CENPU: variants seen among roughly 807,000 people sequenced by gnomAD.
The protein encoded by CENPU is KSHV latent nuclear antigen interacting protein 1.
A neutral mutation model predicts 56.7 loss-of-function variants in CENPU; 46 were observed. That is an observed-to-expected ratio of 0.81 (90% CI 0.64 to 1.04). CENPU has a LOEUF of 1.04. Among genes scored for constraint, CENPU ranks in the 50% least tolerant of loss-of-function variants. The pLI is 0.00. For missense variants in CENPU, 510 were observed against 490.1 expected (o/e 1.04, Z -0.38); for synonymous variants, 166 against 163.0 (o/e 1.02, Z -0.14).
Position 184,725,344 on chromosome 4 carries a change from C to T in CENPU, c.215-282G>A, listed in dbSNP as rs1247600346. Among the ~76,000 whole-genome samples, 7 of 152,280 alleles carry T rather than the reference C, an allele frequency of 4.6e-5. No homozygotes were observed. In the South Asian group the frequency reaches 1.0e-3, roughly 23 times the overall value. Reference sequence around the variant, plus strand: ...TTTCTGAAACAGGGCCTCACTCTGCCGCCCAGCCTGGAGTGCAGTAGTGCG... The same window carrying T: ...TTTCTGAAACAGGGCCTCACTCTGCTGCCCAGCCTGGAGTGCAGTAGTGCG... On this transcript the variant is annotated intron_variant, in intron 3 of 12. Coordinates refer to ENST00000281453, the MANE Select transcript of CENPU (RefSeq NM_024629.4).
intron 8 of CENPU, 49 bp from the exon 9 acceptor site, chr4:184,702,490 G>T: frequency 7.1e-7 from 1 of 1,404,406 alleles, no homozygotes; most frequent in Non-Finnish European, 9.9e-7. Flanking sequence ...GATTTTGAAA[G>T]GTGTTTCATT....
chr4:184,697,600 C>A, intron 12 of CENPU, 47 bp downstream of exon 12: 1 of 1,581,934 alleles, frequency 6.3e-7, no homozygotes. Flanking sequence ...AAAATGCCCT[C>A]CCACAATCAT....
At chr4:184,713,619 T>C (rs1376499959) in intron 6 of CENPU, among the ~76,000 whole-genome samples, 2 of 152,198 alleles carry the variant, frequency 1.3e-5, no homozygotes, top group African/African-American at 4.8e-5. Flanking sequence ...CTGTTCCAGC[T>C]ATGGTGAAGT....
At chr4:184,711,590 A>C (rs779647072) in intron 7 of CENPU, among the ~76,000 whole-genome samples, 1 of 152,130 alleles carries the variant, frequency 6.6e-6, no homozygotes, top group Non-Finnish European at 1.5e-5. Context: ...ACTATTTTAA[A>C]TTTATTCACA....
At chr4:184,722,715 C>CA (rs1554012277) in intron 4 of CENPU, among the ~76,000 whole-genome samples, 47 of 119,098 alleles carry the variant, frequency 3.9e-4, no homozygotes, top group Admixed American at 5.6e-4. Context: ...CAAAACAAAA[C>CA]AAAAAAAAAC....
intron 1 of CENPU, among the ~76,000 whole-genome samples, chr4:184,731,883 C>CTGTGTGTG (rs59083873): frequency 0.012 from 1,808 of 146,708 alleles, 27 homozygotes; most frequent in African/African-American, 0.036. Context: ...CTCATGTGCT[C>CTGTGTGTG]TGTGTGTGTG....
intron 1 of CENPU, among the ~76,000 whole-genome samples, chr4:184,732,376 G>A (rs1365570098): frequency 6.6e-6 from 1 of 152,134 alleles, no homozygotes; most frequent in Non-Finnish European, 1.5e-5. Context: ...CAGTCCCTCT[G>A]GGGTGAGGTC....
intron 1 of CENPU, among the ~76,000 whole-genome samples, chr4:184,733,590 T>G (rs1465544389): frequency 6.6e-6 from 1 of 152,230 alleles, no homozygotes; most frequent in Non-Finnish European, 1.5e-5. Flanking sequence ...TTACGGTCTG[T>G]GGTTTGCAGT....
At chr4:184,702,265 T>C in intron 9 of CENPU, 98 bp downstream of exon 9, 1 of 1,306,120 alleles carries the variant, frequency 7.7e-7, no homozygotes. Context: ...TTTATTACCA[T>C]ACTGCCAGCA....
At chr4:184,704,127 C>A (rs2150205659) in intron 8 of CENPU, among the ~76,000 whole-genome samples, 1 of 152,094 alleles carries the variant, frequency 6.6e-6, no homozygotes, top group Middle Eastern at 3.4e-3. Context: ...GTCACCCCCG[C>A]TGGACTGAGT....
chr4:184,718,483 C>T (rs1422624034), intron 4 of CENPU, among the ~76,000 whole-genome samples: 2 of 152,184 alleles, frequency 1.3e-5, no homozygotes, highest in Non-Finnish European at 2.9e-5. Flanking sequence ...GGGAGCCCTA[C>T]CAGGAGGTGG....
At chr4:184,716,091 T>C (rs1311834953) in intron 6 of CENPU, among the ~76,000 whole-genome samples, 1 of 151,992 alleles carries the variant, frequency 6.6e-6, no homozygotes, top group East Asian at 1.9e-4. Flanking sequence ...CACCACTCCA[T>C]CCAGCTAATT....
intron 4 of CENPU, among the ~76,000 whole-genome samples, chr4:184,724,523 C>G (rs1263260495): frequency 6.6e-6 from 1 of 152,160 alleles, no homozygotes; most frequent in African/African-American, 2.4e-5. Flanking sequence ...AAGACTCAAA[C>G]CAATGCACTT....
intron 5 of CENPU, among the ~76,000 whole-genome samples, chr4:184,716,908 T>C (rs1761113283): frequency 6.6e-6 from 1 of 152,230 alleles, no homozygotes; most frequent in East Asian, 1.9e-4. Flanking sequence ...TACATAGAGA[T>C]GTGAGACCTC....
At chr4:184,702,586 TAATCTC>T in intron 8 of CENPU, 145 bp from the exon 9 acceptor site, 1 of 543,284 alleles carries the variant, frequency 1.8e-6, no homozygotes, top group Non-Finnish European at 3.1e-6. Flanking sequence ...TTATTTTTAA[TAATCTC>T]AATGTTTTAG....
At chr4:184,717,971 C>A (rs1334832488) in intron 4 of CENPU, among the ~76,000 whole-genome samples, 1 of 152,196 alleles carries the variant, frequency 6.6e-6, no homozygotes, top group African/African-American at 2.4e-5. Context: ...TGCAACAGAG[C>A]ACAGATAGAA....
In CENPU at chr4:184,717,161, T is replaced by A. The variant is rs1561139190; in HGVS notation, c.356A>T (p.Glu119Val). Residue 119 changes from glutamate to valine, a missense_variant, in exon 5 of 13, where the codon GAA becomes GTA. By Grantham distance (121) the Glu-to-Val change is moderately radical. Coordinates refer to ENST00000281453, the MANE Select transcript of CENPU (RefSeq NM_024629.4). ...CTTTTTTGCACTAATTTTTACAGAT[T>A]CGATTTCACTTGCTTCATTTCCAGA... is the stretch of plus-strand genomic sequence containing the variant. Reference protein sequence around the residue: ...DTSGNEASEIESVKISAKKPG... With the variant: ...DTSGNEASEIVSVKISAKKPG... 5.6e-6 allele frequency: 9 copies of A among 1,612,310 alleles called. No individual in the cohort carries two copies. Among genetic ancestry groups the A allele is most frequent in the Non-Finnish European group, 7.6e-6 (9 of 1,179,658 alleles).
At chr4:184,712,189 T>C (rs1760949146) in intron 7 of CENPU, among the ~76,000 whole-genome samples, 1 of 151,064 alleles carries the variant, frequency 6.6e-6, no homozygotes, top group Admixed American at 6.6e-5. Flanking sequence ...AACTCAGTTG[T>C]CCATCAATAA....
At chr4:184,715,251 A>G (rs182240341) in intron 6 of CENPU, among the ~76,000 whole-genome samples, 168 of 152,354 alleles carry the variant, frequency 1.1e-3, no homozygotes, top group African/African-American at 3.9e-3. Flanking sequence ...AGCCCAAATG[A>G]ATTAATCACA....
Sources: gnomAD v4.1 joint callset for allele counts (sites outside exome capture counted in the v4.1 genomes callset) on GRCh38, gnomAD v4.1.1 for gene constraint, MANE v1.5 for transcripts, NCBI Gene and HGNC (gene_info 2026-07-23, HGNC 2026-07-21) for gene names.